The following VRK1 variants were observed in gnomAD, a reference collection of about 807,000 sequenced individuals.
VRK1 encodes serine/threonine-protein kinase VRK1.
Under a neutral mutation model 57.1 loss-of-function variants are expected in VRK1, and 33 were observed. The observed-to-expected ratio is 0.58, with a 90% CI of 0.44 to 0.77. The LOEUF (loss-of-function observed/expected upper bound fraction) is 0.77, where lower values mean the gene tolerates loss of function less well. Among genes scored for constraint, VRK1 ranks in the 30% least tolerant of loss-of-function variants. VRK1 has a pLI of 0.00. For synonymous variants in VRK1, 137 were observed against 147.8 expected (o/e 0.93, Z 0.53); for missense variants, 413 against 477.3 (o/e 0.87, Z 1.25).
At chr14:96,871,660 G>T (rs1888827806) in intron 11 of VRK1, among the ~76,000 whole-genome samples, 1 of 152,172 alleles carries the variant, frequency 6.6e-6, no homozygotes, top group Non-Finnish European at 1.5e-5. Flanking sequence ...CACAGTAGAT[G>T]CTTAATAAGT....
In VRK1 at chr14:96,855,233, G is replaced by C. The variant is rs372089106; in HGVS notation, c.586G>C (p.Val196Leu). 1.1e-5 allele frequency: 17 copies of C among 1,613,916 alleles called. No individual in the cohort carries two copies. The highest frequency in any genetic ancestry group is 1.4e-5 in the Non-Finnish European group (17 of 1,179,894). The stretch of plus-strand genomic sequence containing the variant: ...GCTTGGAAATTTATAGGTGTACTTG[G>C]TAGATTATGGCCTTGCTTATCGGTA... ...NYKNPDQVYLVDYGLAYRYCP... is the reference protein window; with the variant it reads ...NYKNPDQVYLLDYGLAYRYCP... The change falls in exon 8 of 13, where the codon GTA becomes CTA. Residue 196 changes from valine (V) to leucine (L), a missense_variant. This residue lies in a region of VRK1 where 151 missense variants were observed against 225.5 expected (regional missense o/e 0.67). Transcript: ENST00000216639.
intron 1 of VRK1, among the ~76,000 whole-genome samples, chr14:96,808,688 T>C (rs1886020724): frequency 6.6e-6 from 1 of 152,024 alleles, no homozygotes; most frequent in Non-Finnish European, 1.5e-5. Context: ...TTGACTTCTT[T>C]TACTCGATGT....
intron 5 of VRK1, among the ~76,000 whole-genome samples, chr14:96,850,862 C>G (rs1277448149): frequency 2.0e-5 from 3 of 152,290 alleles, no homozygotes; most frequent in Admixed American, 6.5e-5. Context: ...GTGAGCATTT[C>G]CTTTGAACAT....
At chr14:96,860,951 A>T (rs1221078024) in intron 11 of VRK1, 5 of 384,320 alleles carry the variant, frequency 1.3e-5, no homozygotes, top group Non-Finnish European at 2.3e-5. Context: ...TAAATTCCTG[A>T]ACTGATTTTA....
intron 1 of VRK1, among the ~76,000 whole-genome samples, chr14:96,803,178 T>C (rs1735288692): frequency 6.6e-6 from 1 of 151,164 alleles, no homozygotes; most frequent in South Asian, 2.1e-4. Flanking sequence ...ATTTTTTTTT[T>C]TTTTTTTTTT....
intron 11 of VRK1, among the ~76,000 whole-genome samples, chr14:96,868,110 C>T (rs1265839533): frequency 1.3e-5 from 2 of 152,118 alleles, no homozygotes; most frequent in South Asian, 2.1e-4. Flanking sequence ...TCATTACAGA[C>T]ATCTACTTCC....
At chr14:96,836,493 G>A (rs972931175) in intron 2 of VRK1, among the ~76,000 whole-genome samples, 1 of 145,014 alleles carries the variant, frequency 6.9e-6, no homozygotes, top group Admixed American at 6.9e-5. Flanking sequence ...TTCCAAACAT[G>A]TCAAGCACAC....
intron 1 of VRK1, among the ~76,000 whole-genome samples, chr14:96,798,534 A>C (rs1885532314): frequency 1.3e-5 from 2 of 152,164 alleles, no homozygotes; most frequent in Admixed American, 1.3e-4. Flanking sequence ...GGAACTGTTG[A>C]AGAACTTCAT....
chr14:96,805,029 C>T (rs1885816088), intron 1 of VRK1, among the ~76,000 whole-genome samples: 1 of 152,124 alleles, frequency 6.6e-6, no homozygotes, highest in Admixed American at 6.5e-5. Context: ...GAAAAGAGTC[C>T]AAGCGTTGAG....
rs760193762 is a variant in VRK1 at position 96,860,727 on chromosome 14, A to G, written c.1060A>G (p.Ile354Val). The change falls in exon 11 of 13, where the codon ATA becomes GTA. Residue 354 changes from isoleucine (I) to valine (V), a missense_variant. By Grantham distance (29) the Ile-to-Val change is conservative. Transcript: ENST00000216639. The stretch of plus-strand genomic sequence containing the variant: ...GAATGGAGGTTTGAAAGCAAAAACA[A>G]TAACAAAGGTGAATTTTGTTATTAA... ...VENGGLKAKT[I>V]TKKRKKEIEE... is the part of the protein sequence containing the mutation. 2.5e-6 allele frequency: 4 copies of G among 1,612,670 alleles called. No individual in the cohort carries two copies. Among genetic ancestry groups the G allele is most frequent in the Non-Finnish European group, 1.7e-6 (2 of 1,179,222 alleles).
chr14:96,876,628 G>A (rs1010862144), intron 12 of VRK1, among the ~76,000 whole-genome samples: 1 of 152,190 alleles, frequency 6.6e-6, no homozygotes, highest in Non-Finnish European at 1.5e-5. Flanking sequence ...GGGTATGATA[G>A]TGAGTGTCAG....
chr14:96,802,547 A>G (rs1375236675), intron 1 of VRK1, among the ~76,000 whole-genome samples: 1 of 152,212 alleles, frequency 6.6e-6, no homozygotes, highest in African/African-American at 2.4e-5. Flanking sequence ...AAAATGACAA[A>G]ATTATAGAAA....
chr14:96,874,772 G>GT (rs1422553448), intron 11 of VRK1, among the ~76,000 whole-genome samples: 2 of 152,158 alleles, frequency 1.3e-5, no homozygotes, highest in African/African-American at 4.8e-5. Flanking sequence ...CCGTTTGGAG[G>GT]TTTTAAGGTA....
chr14:96,809,168 G>A (rs1886054203), intron 1 of VRK1, among the ~76,000 whole-genome samples: 2 of 152,190 alleles, frequency 1.3e-5, no homozygotes, highest in African/African-American at 4.8e-5. Flanking sequence ...ACAGCATGTT[G>A]GCTGAGTGTC....
At chr14:96,879,077 T>C (rs567007431) in intron 12 of VRK1, among the ~76,000 whole-genome samples, 6 of 152,222 alleles carry the variant, frequency 3.9e-5, no homozygotes, top group Admixed American at 2.0e-4. Flanking sequence ...ACAAAGAAAT[T>C]TCCTACTTTT....
At chr14:96,838,666 C>T (rs924976073) in intron 3 of VRK1, among the ~76,000 whole-genome samples, 1 of 152,148 alleles carries the variant, frequency 6.6e-6, no homozygotes, top group African/African-American at 2.4e-5. Context: ...AATTACCTCC[C>T]ACCAGCTCCC....
chr14:96,830,193 G>A (rs964379227), intron 1 of VRK1, among the ~76,000 whole-genome samples: 1 of 152,018 alleles, frequency 6.6e-6, no homozygotes, highest in Non-Finnish European at 1.5e-5. Context: ...GTCATTCTGG[G>A]TTGATTTTTC....
chr14:96,838,620 A>C (rs1887318161), intron 3 of VRK1, among the ~76,000 whole-genome samples: 1 of 152,160 alleles, frequency 6.6e-6, no homozygotes, highest in South Asian at 2.1e-4. Flanking sequence ...AACTAATGGG[A>C]TAGATGTACA....
intron 1 of VRK1, among the ~76,000 whole-genome samples, chr14:96,831,473 G>T (rs1887001658): frequency 6.6e-6 from 1 of 152,120 alleles, no homozygotes; most frequent in East Asian, 1.9e-4. Context: ...CTATTTTTAG[G>T]AAAGAAAGTC....
Sources: gnomAD v4.1 joint callset for allele counts (sites outside exome capture counted in the v4.1 genomes callset) on GRCh38, gnomAD v4.1.1 for gene constraint, gnomAD v4.1.1 regional missense constraint, MANE v1.5 for transcripts, NCBI Gene and HGNC (gene_info 2026-07-23, HGNC 2026-07-21) for gene names.